The following IL1RAPL1 variants were observed in gnomAD, a reference collection of about 807,000 sequenced individuals.
IL1RAPL1 encodes interleukin-1 receptor accessory protein-like 1.
In IL1RAPL1, 3 loss-of-function variants were observed where a neutral mutation model predicts 48.4. The observed-to-expected ratio is 0.06, with a 90% CI of 0.03 to 0.16. The LOEUF (loss-of-function observed/expected upper bound fraction) is 0.16. Among genes scored for constraint, IL1RAPL1 ranks in the 10% least tolerant of loss-of-function variants. The pLI is 1.00. For missense variants in IL1RAPL1, 349 were observed against 530.6 expected, an observed-to-expected ratio of 0.66 and a Z score of 3.36; for synonymous variants, 185 against 187.7, an observed-to-expected ratio of 0.99 and a Z score of 0.12.
At chrX:29,651,529 A>G (rs926134349) in intron 5 of IL1RAPL1, among the ~76,000 whole-genome samples, 14 of 111,916 alleles carry the variant, frequency 1.3e-4, no homozygotes, top group Non-Finnish European at 2.6e-4. Flanking sequence ...CAATATGACA[A>G]GTACTACATG....
rs1287759752 is a variant in IL1RAPL1 at position 29,158,545 on chromosome X, T to G, written c.83-124393T>G. ...CACCTGCCACCATGCCTGGCTAAAT[T>G]TTTATATTTTTAGTAGAGATGAGAT... On this transcript the variant is annotated intron_variant, in intron 2 of 10. Coordinates refer to ENST00000378993, the MANE Select transcript of IL1RAPL1 (RefSeq NM_014271.4). Among the ~76,000 whole-genome samples the G allele has an allele frequency of 6.3e-5, 7 of 110,285 alleles. No individual in the cohort carries two copies. In the Admixed American group the frequency reaches 6.8e-4, roughly 11 times the overall value.
chrX:29,270,921 C>T (rs773084115), intron 2 of IL1RAPL1, among the ~76,000 whole-genome samples: 3 of 110,992 alleles, frequency 2.7e-5, no homozygotes, highest in South Asian at 3.8e-4. Context: ...AGGTAAATTG[C>T]GTGTCATGGG....
intron 5 of IL1RAPL1, among the ~76,000 whole-genome samples, chrX:29,562,671 C>T (rs750798701): frequency 8.1e-5 from 9 of 111,559 alleles, no homozygotes; most frequent in African/African-American, 2.9e-4. Context: ...AGTATTTGTA[C>T]CTGTCATATT....
In IL1RAPL1 at chrX:29,379,875, A is replaced by AT. The variant is rs896870703; in HGVS notation, c.363-16374dup. ...CCATCTTGTCCCACTTCCTAGCTGT[A>AT]TTTTTTTTTATCTGTTAACCATCCT... On this transcript the variant is annotated intron_variant, in intron 3 of 10. Coordinates refer to ENST00000378993, the MANE Select transcript of IL1RAPL1 (RefSeq NM_014271.4). 1.6e-4 allele frequency among the ~76,000 whole-genome samples: 17 copies of AT among 108,887 alleles called. No individual in the cohort carries two copies. In the South Asian group the frequency reaches 2.0e-3, roughly 13 times the overall value. 94.6% of individuals were successfully genotyped at this position (108,887 alleles called of 115,157 possible).
chrX:29,616,721 G>C (rs1569128941), intron 5 of IL1RAPL1, among the ~76,000 whole-genome samples: 4 of 110,986 alleles, frequency 3.6e-5, no homozygotes, highest in African/African-American at 9.8e-5. Context: ...TAGTACCTGA[G>C]AGGTGTGCAC....
intron 1 of IL1RAPL1, among the ~76,000 whole-genome samples, chrX:28,713,004 A>G (rs1347729246): frequency 9.0e-6 from 1 of 111,567 alleles, no homozygotes; most frequent in African/African-American, 3.3e-5. Flanking sequence ...CAAAAGATAA[A>G]AAATTTCTTG....
chrX:29,942,435 A>G (rs1228643220), intron 9 of IL1RAPL1, among the ~76,000 whole-genome samples: 1 of 111,812 alleles, frequency 8.9e-6, no homozygotes, highest in Non-Finnish European at 1.9e-5. Context: ...GCTTCTGGTC[A>G]CCAATGAATA....
chrX:29,027,288 A>C (rs1926507021), intron 2 of IL1RAPL1, among the ~76,000 whole-genome samples: 1 of 112,389 alleles, frequency 8.9e-6, no homozygotes, highest in Non-Finnish European at 1.9e-5. Flanking sequence ...AGAATCATAC[A>C]GTATGTAGAC....
At chrX:29,462,351 A>T (rs183387600) in intron 5 of IL1RAPL1, among the ~76,000 whole-genome samples, 34 of 111,563 alleles carry the variant, frequency 3.0e-4, no homozygotes, top group Non-Finnish European at 5.8e-4. Flanking sequence ...TTGCTCTGTG[A>T]TAAAGGCGTA....
At chrX:29,752,223 C>T (rs755918770) in intron 6 of IL1RAPL1, among the ~76,000 whole-genome samples, 45 of 105,048 alleles carry the variant, frequency 4.3e-4, no homozygotes, top group African/African-American at 1.5e-3. Context: ...ATGGCCCGGG[C>T]GCAGGGGCTC....
chrX:28,945,702 C>T (rs747180020), intron 2 of IL1RAPL1, among the ~76,000 whole-genome samples: 73 of 110,051 alleles, frequency 6.6e-4, no homozygotes, highest in Non-Finnish European at 7.0e-4. Flanking sequence ...AGCACCATGG[C>T]ACACGTATAC....
At chrX:29,787,907 A>G (rs1304660198) in intron 6 of IL1RAPL1, among the ~76,000 whole-genome samples, 3 of 112,074 alleles carry the variant, frequency 2.7e-5, no homozygotes, top group African/African-American at 9.7e-5. Context: ...GCTAATACAA[A>G]CTGTTTAGAA....
chrX:29,925,769 G>A (rs772735024), intron 8 of IL1RAPL1, among the ~76,000 whole-genome samples: 4 of 109,956 alleles, frequency 3.6e-5, no homozygotes, highest in African/African-American at 6.6e-5. Flanking sequence ...TGAACTCCTC[G>A]GCTTAAGCGA....
chrX:29,293,960 G>A (rs1455746783), intron 3 of IL1RAPL1, among the ~76,000 whole-genome samples: 1 of 110,451 alleles, frequency 9.1e-6, no homozygotes, highest in Non-Finnish European at 1.9e-5. Flanking sequence ...TCACTTATTT[G>A]AGATCAGTGA....
chrX:29,777,662 A>G lies in IL1RAPL1; in HGVS notation c.778+109158A>G, dbSNP rs772788119. 3.6e-5 allele frequency among the ~76,000 whole-genome samples: 4 copies of G among 111,171 alleles called. No individual in the cohort carries two copies. In the East Asian group the frequency reaches 1.1e-3, roughly 31 times the overall value. On this transcript the variant is annotated intron_variant, in intron 6 of 10. Transcript: ENST00000378993. ...ACTTTTTCCTCTTTCCCCCCACTCA[A>G]AGTTTGAAACATAGGCAGATTAATA...
intron 2 of IL1RAPL1, among the ~76,000 whole-genome samples, chrX:28,946,266 TTCAA>T (rs1196507079): frequency 1.8e-5 from 2 of 110,859 alleles, no homozygotes; most frequent in Non-Finnish European, 3.8e-5. Context: ...CTACAATAAC[TTCAA>T]TCATTTATTT....
intron 5 of IL1RAPL1, among the ~76,000 whole-genome samples, chrX:29,529,466 C>T (rs777489157): frequency 4.6e-5 from 5 of 107,920 alleles, no homozygotes; most frequent in East Asian, 2.9e-4. Flanking sequence ...TGGTGATGCG[C>T]GCCTGTAATC....
At chrX:29,637,560 AT>A (rs900995005) in intron 5 of IL1RAPL1, among the ~76,000 whole-genome samples, 1 of 110,986 alleles carries the variant, frequency 9.0e-6, no homozygotes, top group South Asian at 3.8e-4. Context: ...TTGTATAGTG[AT>A]TTTTTTTCTC....
At chrX:29,014,264 A>G (rs1444171234) in intron 2 of IL1RAPL1, among the ~76,000 whole-genome samples, 1 of 112,330 alleles carries the variant, frequency 8.9e-6, no homozygotes, top group African/African-American at 3.2e-5. Flanking sequence ...AATTCCGAGC[A>G]TCTTCAGTTT....
Sources: allele counts gnomAD v4.1 joint callset (sites outside exome capture counted in the v4.1 genomes callset), GRCh38; gene constraint gnomAD v4.1.1; transcripts MANE v1.5; gene names NCBI Gene and HGNC (gene_info 2026-07-23, HGNC 2026-07-21).